ATP10A: variants seen among roughly 807,000 people sequenced by gnomAD.
ATP10A encodes ATPase phospholipid transporting 10A (putative).
In ATP10A, 111 loss-of-function variants were observed where a neutral mutation model predicts 147.8. The ratio of observed to expected loss-of-function variants is 0.75; its 90% CI spans 0.64 to 0.88. The LOEUF is 0.88. Among genes scored for constraint, ATP10A ranks in the 40% least tolerant of loss-of-function variants. ATP10A has a pLI of 0.00. For missense variants in ATP10A, 1,927 were observed against 1,959.0 expected, an observed-to-expected ratio of 0.98 and a Z score of 0.31; for synonymous variants, 875 against 841.6, an observed-to-expected ratio of 1.04 and a Z score of -0.69.
intron 16 of ATP10A, chr15:25,683,738 G>C (rs1899557056): frequency 1.9e-6 from 1 of 536,916 alleles, no homozygotes; most frequent in Non-Finnish European, 3.3e-6. Context: ...ATTCCCAGGA[G>C]CAGCACTTGC....
rs1376706822 is a variant in ATP10A, at chr15:25,691,748, C to T, written c.3132G>A (p.Val1044=). The change falls in exon 15 of 21, where the codon GTG becomes GTA. Residue 1044 remains valine (V), a synonymous_variant. Transcript: ENST00000555815. Reference sequence around the variant, plus strand: ...CCTCCTGGCCGGAGATTCCCACACCCACATCTGCCACCTGGATCATGCTGA... The same window carrying T: ...CCTCCTGGCCGGAGATTCCCACACCTACATCTGCCACCTGGATCATGCTGA... ...NDVSMIQVAD[V]GVGISGQEGM... 1 of 1,614,192 alleles carries T rather than the reference C, an allele frequency of 6.2e-7. No homozygotes were observed. The highest frequency in any genetic ancestry group is 1.7e-5 in the Admixed American group (1 of 60,024).
intron 1 of ATP10A, among the ~76,000 whole-genome samples, chr15:25,788,498 T>C (rs1172965880): frequency 6.6e-6 from 1 of 152,232 alleles, no homozygotes; most frequent in African/African-American, 2.4e-5. Context: ...CTGTCAACAG[T>C]GACTGTTCAA....
intron 3 of ATP10A, among the ~76,000 whole-genome samples, chr15:25,735,332 C>T (rs1429372689): frequency 6.6e-6 from 1 of 151,742 alleles, no homozygotes; most frequent in Non-Finnish European, 1.5e-5. Flanking sequence ...TTTTTGCCCA[C>T]AGCACTGACC....
chr15:25,692,420 G>C (rs568291435), intron 14 of ATP10A, among the ~76,000 whole-genome samples: 1 of 152,278 alleles, frequency 6.6e-6, no homozygotes, highest in South Asian at 2.1e-4. Context: ...TCATAAAGTT[G>C]TTATCACTCC....
In ATP10A at chr15:25,862,907, G is replaced by T; in HGVS notation, c.190C>A (p.Leu64Ile). The T allele has an allele frequency of 1.2e-6, 2 of 1,609,450 alleles. No individual in the cohort carries two copies. Among genetic ancestry groups the T allele is most frequent in the Non-Finnish European group, 1.7e-6 (2 of 1,178,602 alleles). ...AGCAGCGTGTACTTGGTAGTCTTGA[G>T]CCGGTTGTCGGCCAGGTGCTGGGCA... ...GCAQHLADNR[L>I]KTTKYTLLSF... The change falls in exon 1 of 21, where the codon CTC becomes ATC. Residue 64 changes from leucine to isoleucine, a missense_variant. Physicochemically the swap from Leu to Ile is conservative, Grantham distance 5. Coordinates refer to ENST00000555815, the MANE Select transcript of ATP10A (RefSeq NM_024490.4).
intron 1 of ATP10A, among the ~76,000 whole-genome samples, chr15:25,806,548 G>A (rs527326944): frequency 1.1e-3 from 162 of 152,156 alleles, no homozygotes; most frequent in African/African-American, 3.7e-3. Flanking sequence ...TCCTGACCTC[G>A]TGATCCGCCC....
chr15:25,681,189 A>AAC, intron 17 of ATP10A, 115 bp from the exon 18 acceptor site: 2 of 1,059,702 alleles, frequency 1.9e-6, no homozygotes, highest in Non-Finnish European at 2.7e-6. Context: ...AACAACAAAA[A>AAC]CCCACCCTGA....
chr15:25,782,996 C>A (rs1889995955), intron 1 of ATP10A, among the ~76,000 whole-genome samples: 1 of 151,478 alleles, frequency 6.6e-6, no homozygotes, highest in Non-Finnish European at 1.5e-5. Flanking sequence ...ATAGTGAGAC[C>A]CCCATCTCTA....
intron 2 of ATP10A, among the ~76,000 whole-genome samples, chr15:25,739,959 G>A (rs887378278): frequency 2.0e-5 from 3 of 152,138 alleles, no homozygotes; most frequent in African/African-American, 7.2e-5. Flanking sequence ...AGAGCCCTGC[G>A]GCATGCTTCT....
intron 1 of ATP10A, among the ~76,000 whole-genome samples, chr15:25,789,933 C>T (rs1890336385): frequency 2.0e-5 from 3 of 152,098 alleles, no homozygotes; most frequent in African/African-American, 4.8e-5. Context: ...AAATCGCTCC[C>T]GGTTGAGAAA....
chr15:25,703,783 G>C (rs1900809880), intron 12 of ATP10A, among the ~76,000 whole-genome samples: 1 of 152,228 alleles, frequency 6.6e-6, no homozygotes, highest in South Asian at 2.1e-4. Flanking sequence ...ACCCCCTCAG[G>C]GGCAAGTGGC....
At chr15:25,747,139 T>C (rs1299762414) in intron 2 of ATP10A, among the ~76,000 whole-genome samples, 2 of 151,946 alleles carry the variant, frequency 1.3e-5, no homozygotes. Context: ...CTACAAAACA[T>C]TAGCTGGGCA....
intron 9 of ATP10A, among the ~76,000 whole-genome samples, chr15:25,715,534 T>A (rs979907336): frequency 6.6e-6 from 1 of 152,244 alleles, no homozygotes; most frequent in Non-Finnish European, 1.5e-5. Context: ...GGGCACTTCC[T>A]GCAGGGATAT....
chr15:25,726,413 A>G (rs1902552893), intron 4 of ATP10A, among the ~76,000 whole-genome samples: 1 of 151,394 alleles, frequency 6.6e-6, no homozygotes, highest in South Asian at 2.1e-4. Context: ...TAGTTTCCAA[A>G]TGTTCTACAA....
intron 13 of ATP10A, among the ~76,000 whole-genome samples, chr15:25,698,411 C>T (rs1900470622): frequency 6.6e-6 from 1 of 152,128 alleles, no homozygotes; most frequent in African/African-American, 2.4e-5. Context: ...ATTTTCTCTT[C>T]CTTAAGATTT....
At chr15:25,722,003 G>A (rs965256877) in intron 6 of ATP10A, 94 bp from the exon 7 acceptor site, 27 of 1,363,084 alleles carry the variant, frequency 2.0e-5, no homozygotes, top group East Asian at 4.6e-5. Context: ...GACTACAACC[G>A]CAAGAAAGTA....
chr15:25,718,123 G>A (rs960941062), intron 8 of ATP10A, 59 bp downstream of exon 8: 81 of 1,543,434 alleles, frequency 5.2e-5, no homozygotes, highest in Non-Finnish European at 6.9e-5. Context: ...ATGAGCGGGG[G>A]ATGGTGAAAA....
At chr15:25,811,187 G>A (rs556455978) in intron 1 of ATP10A, among the ~76,000 whole-genome samples, 79 of 152,312 alleles carry the variant, frequency 5.2e-4, no homozygotes, top group African/African-American at 1.9e-3. Flanking sequence ...CAGTATCCAG[G>A]GGCACTGCCC....
intron 2 of ATP10A, among the ~76,000 whole-genome samples, chr15:25,748,123 C>T (rs922515022): frequency 1.1e-4 from 17 of 152,024 alleles, no homozygotes; most frequent in Admixed American, 2.0e-4. Flanking sequence ...CCACCACACC[C>T]GGCTAATTTT....
Sources: gnomAD v4.1 joint callset for allele counts (sites outside exome capture counted in the v4.1 genomes callset) on GRCh38, gnomAD v4.1.1 for gene constraint, MANE v1.5 for transcripts, NCBI Gene and HGNC (gene_info 2026-07-23, HGNC 2026-07-21) for gene names.